CGNL1: variants seen among roughly 807,000 people sequenced by gnomAD.
CGNL1 encodes the protein cingulin like 1.
Under a neutral mutation model 141.2 loss-of-function variants are expected in CGNL1, and 132 were observed. That is an observed-to-expected ratio of 0.93 (90% CI 0.81 to 1.08). The LOEUF (loss-of-function observed/expected upper bound fraction) is 1.08, where lower values mean the gene tolerates loss of function less well. Ranked by LOEUF, CGNL1 falls within the 50% of genes least tolerant of loss-of-function variation. CGNL1 has a pLI of 0.00. For missense variants in CGNL1, 1,870 were observed against 1,588.6 expected, an observed-to-expected ratio of 1.18 and a Z score of -3.01; for synonymous variants, 690 against 622.1, an observed-to-expected ratio of 1.11 and a Z score of -1.63.
At chr15:57,450,200 C>T (rs1625199) in intron 4 of CGNL1, among the ~76,000 whole-genome samples, 127,499 of 152,214 alleles carry the variant, frequency 0.84, 55,221 homozygotes, top group Non-Finnish European at 0.95. Context: ...TGTTACTCCA[C>T]ATCCTTGCCA....
At chr15:57,475,095 C>T (rs1248494210) in intron 8 of CGNL1, among the ~76,000 whole-genome samples, 4 of 152,188 alleles carry the variant, frequency 2.6e-5, no homozygotes, top group African/African-American at 9.7e-5. Flanking sequence ...TGGTTCAGGC[C>T]TCAGCAGCCA....
chr15:57,383,590 A>C, intron 1 of CGNL1, among the ~76,000 whole-genome samples: 1 of 144,958 alleles, frequency 6.9e-6, no homozygotes, highest in Non-Finnish European at 1.5e-5. Context: ...GAGCCACCAC[A>C]TCTGCCTTTT....
chr15:57,537,442 C>T (rs1205403932), intron 14 of CGNL1, among the ~76,000 whole-genome samples: 2 of 146,252 alleles, frequency 1.4e-5, no homozygotes, highest in East Asian at 4.0e-4. Context: ...TTTTCTTCTT[C>T]TTTTTTTTTT....
Position 57,549,713 on chromosome 15 carries a change from T to G in CGNL1, c.*2223T>G, listed in dbSNP as rs1304763823. The stretch of plus-strand genomic sequence containing the variant: ...ATTCCTCCCCTCCTGGAGCTCAGTG[T>G]CAGGAAAGGGGGTGATAAATGACAA... On this transcript the variant is annotated 3_prime_UTR_variant, in exon 19 of 19. Transcript: ENST00000281282. The G allele has an allele frequency of 6.6e-6, 1 of 152,202 alleles. No homozygotes were observed. Among genetic ancestry groups the G allele is most frequent in the Non-Finnish European group, 1.5e-5 (1 of 68,086 alleles). 9.4% of individuals were successfully genotyped at this position (152,202 alleles called of 1,614,324 possible). A position where few individuals can be genotyped will look rare whatever the true frequency, so the allele number is the denominator to read the frequency against.
At chr15:57,516,252 G>C (rs982109866) in intron 8 of CGNL1, among the ~76,000 whole-genome samples, 18 of 152,002 alleles carry the variant, frequency 1.2e-4, no homozygotes, top group Non-Finnish European at 1.9e-4. Context: ...AGGGTTATGA[G>C]GACAGGTTCT....
intron 1 of CGNL1, among the ~76,000 whole-genome samples, chr15:57,408,290 A>G (rs576970442): frequency 6.6e-6 from 1 of 152,172 alleles, no homozygotes; most frequent in East Asian, 1.9e-4. Flanking sequence ...AGGGGCCCCA[A>G]ACCTCAAGGA....
At chr15:57,451,995 CT>C in intron 5 of CGNL1, 145 bp from the exon 6 acceptor site, 1 of 614,890 alleles carries the variant, frequency 1.6e-6, no homozygotes, top group South Asian at 3.2e-5. Flanking sequence ...TAGTTAAGAA[CT>C]CCTGTGCCTT....
At chr15:57,475,476 A>G (rs1226424542) in intron 8 of CGNL1, among the ~76,000 whole-genome samples, 2 of 150,932 alleles carry the variant, frequency 1.3e-5, no homozygotes, top group Non-Finnish European at 2.9e-5. Flanking sequence ...ACTGGGATCT[A>G]TGTATATACA....
At chr15:57,471,103 A>C (rs1207995495) in intron 8 of CGNL1, among the ~76,000 whole-genome samples, 1 of 152,218 alleles carries the variant, frequency 6.6e-6, no homozygotes, top group Non-Finnish European at 1.5e-5. Context: ...GGTGAGTTAA[A>C]ATACATTTCA....
rs140656343 is a variant in CGNL1, at chr15:57,410,747, T to C, written c.-15-27238T>C. 3.9e-5 allele frequency among the ~76,000 whole-genome samples: 6 copies of C among 152,380 alleles called. 1 individual carries two copies. In the South Asian group the frequency reaches 1.2e-3, roughly 32 times the overall value. ...AAACTTTTGCCTCTTAATTTTCTCATGCTTATGAGGAGTGCCCTTCAAATC... is the reference window on the plus strand; with the variant it reads ...AAACTTTTGCCTCTTAATTTTCTCACGCTTATGAGGAGTGCCCTTCAAATC... On this transcript the variant is annotated intron_variant, in intron 1 of 18. Coordinates refer to ENST00000281282, the MANE Select transcript of CGNL1 (RefSeq NM_032866.5).
rs1160279491 is a variant in CGNL1, at chr15:57,531,705, C to T, written c.3217C>T (p.Leu1073=). ...TCCTTCTTAGGACAAGGTGTCTCAACTGGAGATGGAACTGGAAGAAGAGAG... is the reference window on the plus strand; with the variant it reads ...TCCTTCTTAGGACAAGGTGTCTCAATTGGAGATGGAACTGGAAGAAGAGAG... ...VKQMEDKVSQ[L]EMELEEERNN... Residue 1073 remains leucine, a synonymous_variant, in exon 14 of 19, where the codon CTG becomes TTG. Transcript: ENST00000281282. The T allele has an allele frequency of 1.9e-6, 3 of 1,612,172 alleles. No homozygotes were observed. The highest frequency in any genetic ancestry group is 2.5e-6 in the Non-Finnish European group (3 of 1,178,218).
intron 8 of CGNL1, among the ~76,000 whole-genome samples, chr15:57,470,506 G>A (rs878865830): frequency 6.6e-6 from 1 of 151,954 alleles, no homozygotes; most frequent in Non-Finnish European, 1.5e-5. Flanking sequence ...ATCTCTTAGC[G>A]GGCCTCCATG....
At chr15:57,467,900 G>C (rs1315493807) in intron 8 of CGNL1, among the ~76,000 whole-genome samples, 2 of 152,092 alleles carry the variant, frequency 1.3e-5, no homozygotes, top group African/African-American at 4.8e-5. Context: ...ATGTTGGCCA[G>C]GCTAGTCTAG....
chr15:57,399,141 A>G (rs1290902398), intron 1 of CGNL1, among the ~76,000 whole-genome samples: 2 of 152,170 alleles, frequency 1.3e-5, no homozygotes, highest in Non-Finnish European at 2.9e-5. Context: ...TTTTTAGGGA[A>G]GTCCTTTAGA....
chr15:57,493,064 G>C (rs1219970641), intron 8 of CGNL1, among the ~76,000 whole-genome samples: 1 of 152,166 alleles, frequency 6.6e-6, no homozygotes, highest in Non-Finnish European at 1.5e-5. Context: ...CTGAGGTCTG[G>C]TTTGATACCA....
intron 1 of CGNL1, among the ~76,000 whole-genome samples, chr15:57,400,638 T>C (rs1394838508): frequency 6.6e-6 from 1 of 152,046 alleles, no homozygotes; most frequent in Non-Finnish European, 1.5e-5. Context: ...ATCTCAGCAT[T>C]TTGGGAGGCC....
In CGNL1 at chr15:57,438,114, T is replaced by G; in HGVS notation, c.115T>G (p.Ser39Ala). 1 of 1,614,116 alleles carries G rather than the reference T, an allele frequency of 6.2e-7. No homozygotes were observed. Among genetic ancestry groups the G allele is most frequent in the Non-Finnish European group, 8.5e-7 (1 of 1,180,022 alleles). ...GAGTTCCCAGAACTCCAAGGCAGGCTCCTACGGTGTCAGTATTCGGGTCCA... is the reference window on the plus strand; with the variant it reads ...GAGTTCCCAGAACTCCAAGGCAGGCGCCTACGGTGTCAGTATTCGGGTCCA... ...SRSSQNSKAG[S>A]YGVSIRVQGI... The change falls in exon 2 of 19, where the codon TCC becomes GCC. Residue 39 changes from serine (S) to alanine (A), a missense_variant. By Grantham distance (99) the Ser-to-Ala change is moderately conservative (BLOSUM62 1). Coordinates refer to ENST00000281282, the MANE Select transcript of CGNL1 (RefSeq NM_032866.5).
At chr15:57,539,122 T>G (rs965254351) in intron 14 of CGNL1, among the ~76,000 whole-genome samples, 1 of 152,162 alleles carries the variant, frequency 6.6e-6, no homozygotes, top group Non-Finnish European at 1.5e-5. Context: ...GATGCCTGCC[T>G]CTGCTCTGCT....
intron 1 of CGNL1, among the ~76,000 whole-genome samples, chr15:57,427,790 A>G (rs1317804924): frequency 6.6e-6 from 1 of 152,130 alleles, no homozygotes; most frequent in Non-Finnish European, 1.5e-5. Context: ...CCCTTAAGAG[A>G]TACTTGATAA....
Sources: gnomAD v4.1 joint callset for allele counts (sites outside exome capture counted in the v4.1 genomes callset) on GRCh38, gnomAD v4.1.1 for gene constraint, MANE v1.5 for transcripts, NCBI Gene and HGNC (gene_info 2026-07-23, HGNC 2026-07-21) for gene names.